The following NXN variants were observed in gnomAD, a reference collection of about 807,000 sequenced individuals.
NXN encodes nucleoredoxin 1.
Under a neutral mutation model 48.6 loss-of-function variants are expected in NXN, and 16 were observed. The ratio of observed to expected loss-of-function variants is 0.33; its 90% CI spans 0.22 to 0.50. The LOEUF is 0.50. Ranked by LOEUF, NXN falls within the 20% of genes least tolerant of loss-of-function variation. The pLI, the probability that NXN is intolerant of heterozygous loss-of-function variation, is 0.98. For missense variants in NXN, 492 were observed against 605.5 expected (o/e 0.81, Z 1.97); for synonymous variants, 281 against 269.6 (o/e 1.04, Z -0.41).
chr17:822,000 G>T (rs918301908), intron 4 of NXN, among the ~76,000 whole-genome samples: 4 of 152,152 alleles, frequency 2.6e-5, no homozygotes, highest in African/African-American at 9.7e-5. Flanking sequence ...AGTAAATGTG[G>T]CTGGGTGCGG....
intron 1 of NXN, among the ~76,000 whole-genome samples, chr17:878,708 G>A (rs7217096): frequency 0.074 from 11,277 of 152,082 alleles, 662 homozygotes; most frequent in African/African-American, 0.16. Context: ...AAACAATAGT[G>A]CCCCAACCTG....
At chr17:810,912 A>T (rs964852268) in intron 5 of NXN, among the ~76,000 whole-genome samples, 2 of 152,066 alleles carry the variant, frequency 1.3e-5, no homozygotes, top group Non-Finnish European at 2.9e-5. Flanking sequence ...TAGACAAAAC[A>T]CATAAAAGAG....
At chr17:840,621 G>A (rs1251958592) in intron 1 of NXN, among the ~76,000 whole-genome samples, 1 of 152,018 alleles carries the variant, frequency 6.6e-6, no homozygotes, top group African/African-American at 2.4e-5. Context: ...TTACAGGCGT[G>A]AGCCACCGCG....
intron 1 of NXN, among the ~76,000 whole-genome samples, chr17:948,715 T>G (rs1442864430): frequency 2.0e-5 from 3 of 151,730 alleles, no homozygotes; most frequent in African/African-American, 7.3e-5. Context: ...CCCCGGCCCG[T>G]CCCGCCCCAG....
chr17:831,089 C>T (rs1307422570), intron 1 of NXN, among the ~76,000 whole-genome samples: 1 of 151,540 alleles, frequency 6.6e-6, no homozygotes, highest in Non-Finnish European at 1.5e-5. Context: ...GAACAATGTG[C>T]TTGAACAGGA....
chr17:953,323 G>C (rs1234745521), intron 1 of NXN, among the ~76,000 whole-genome samples: 1 of 152,170 alleles, frequency 6.6e-6, no homozygotes, highest in Admixed American at 6.5e-5. Context: ...GCTGAGGCAG[G>C]AGAATCGCTT....
intron 5 of NXN, among the ~76,000 whole-genome samples, chr17:818,371 CCTCA>C (rs1235246442): frequency 2.6e-5 from 4 of 151,938 alleles, no homozygotes; most frequent in African/African-American, 7.3e-5. Context: ...CCCACTCAGC[CCTCA>C]CTATCACGCC....
intron 1 of NXN, among the ~76,000 whole-genome samples, chr17:941,348 C>T (rs1489592551): frequency 2.0e-5 from 3 of 148,838 alleles, no homozygotes; most frequent in Non-Finnish European, 4.4e-5. Flanking sequence ...CACACACCTC[C>T]CTGGATTTAC....
At chr17:879,639 G>A (rs1472380147) in intron 1 of NXN, among the ~76,000 whole-genome samples, 1 of 152,066 alleles carries the variant, frequency 6.6e-6, no homozygotes, top group Non-Finnish European at 1.5e-5. Flanking sequence ...AGCAGGGAAA[G>A]GACACGACTC....
chr17:955,655 G>T (rs767836784), intron 1 of NXN, among the ~76,000 whole-genome samples: 142 of 149,560 alleles, frequency 9.5e-4, no homozygotes, highest in Non-Finnish European at 1.2e-3. Flanking sequence ...CCAGCACCTC[G>T]GGAGGCCGAG....
chr17:911,489 G>A (rs9915381), intron 1 of NXN, among the ~76,000 whole-genome samples: 29,513 of 151,510 alleles, frequency 0.19, 3,018 homozygotes, highest in South Asian at 0.36. Flanking sequence ...ACAGACGCCC[G>A]GCTAATTTTT....
chr17:823,509 G>T, intron 3 of NXN, 123 bp downstream of exon 3: 1 of 1,071,768 alleles, frequency 9.3e-7, no homozygotes, highest in Non-Finnish European at 1.4e-6. Context: ...GGGCACAGGA[G>T]AAGGCCAGAA....
chr17:946,730 C>T (rs1013091471), intron 1 of NXN, among the ~76,000 whole-genome samples: 2 of 152,254 alleles, frequency 1.3e-5, no homozygotes, highest in African/African-American at 2.4e-5. Flanking sequence ...GCGACTGTAC[C>T]GCTGACGGGC....
In NXN at chr17:879,584, G is replaced by T. The variant is rs978870628; in HGVS notation, c.361-53506C>A. 3.9e-5 allele frequency among the ~76,000 whole-genome samples: 6 copies of T among 152,142 alleles called. No homozygotes were observed. The South Asian group carries it at 8.3e-4, about 21-fold the overall frequency. On this transcript the variant is annotated intron_variant, in intron 1 of 7. Transcript: ENST00000336868. ...CTACAGGCATGAGCCACCGCGCCCGGCCACGAGTCTGGTTTTAAACCCGTG... is the reference window on the plus strand; with the variant it reads ...CTACAGGCATGAGCCACCGCGCCCGTCCACGAGTCTGGTTTTAAACCCGTG...
In NXN at chr17:859,711, G is replaced by C. The variant is rs565646523; in HGVS notation, c.361-33633C>G. 1.4e-4 allele frequency among the ~76,000 whole-genome samples: 22 copies of C among 152,220 alleles called. 1 individual carries two copies. In the South Asian group the frequency reaches 4.6e-3, roughly 32 times the overall value. On this transcript the variant is annotated intron_variant, in intron 1 of 7. Coordinates refer to ENST00000336868, the MANE Select transcript of NXN (RefSeq NM_022463.5). The stretch of plus-strand genomic sequence containing the variant: ...ACAGTCAGCTCCACTCCCATCAAAC[G>C]CGATTCAATGGACCATCCAAACCAA...
chr17:863,817 C>A, intron 1 of NXN: 1 of 752,260 alleles, frequency 1.3e-6, no homozygotes, highest in Admixed American at 2.3e-5. Context: ...ACAAATGGAC[C>A]CTTGCAATTC....
chr17:803,245 C>A (rs181942929), intron 7 of NXN, among the ~76,000 whole-genome samples: 1 of 152,196 alleles, frequency 6.6e-6, no homozygotes, highest in Non-Finnish European at 1.5e-5. Context: ...CTCACCGGGC[C>A]GGCTGGGTGA....
In NXN at chr17:822,413, G is replaced by A. The variant is rs1912867005; in HGVS notation, c.657C>T (p.Tyr219=). The change falls in exon 4 of 8, where the codon TAC becomes TAT. Residue 219 remains tyrosine, a synonymous_variant. Transcript: ENST00000336868. ...TCTGGCCTGCCTCCTTGATCTTCCGGTAGGATTCCACCAGGACCCGGGTGA... is the reference window on the plus strand; with the variant it reads ...TCTGGCCTGCCTCCTTGATCTTCCGATAGGATTCCACCAGGACCCGGGTGA... The part of the protein sequence containing the change: ...RSLTRVLVES[Y]RKIKEAGQNF... 2 of 1,614,112 alleles carry A rather than the reference G, an allele frequency of 1.2e-6. No individual in the cohort carries two copies. The highest frequency in any genetic ancestry group is 1.7e-6 in the Non-Finnish European group (2 of 1,180,000).
intron 1 of NXN, among the ~76,000 whole-genome samples, chr17:826,380 A>G (rs960825637): frequency 8.5e-5 from 13 of 152,090 alleles, no homozygotes; most frequent in African/African-American, 3.1e-4. Context: ...ACTGGCCCCC[A>G]TAGTCTGCAA....
Sources: gnomAD v4.1 joint callset for allele counts (sites outside exome capture counted in the v4.1 genomes callset) on GRCh38, gnomAD v4.1.1 for gene constraint, MANE v1.5 for transcripts, NCBI Gene and HGNC (gene_info 2026-07-23, HGNC 2026-07-21) for gene names.